The following SOX6 variants were observed in gnomAD, a reference collection of about 807,000 sequenced individuals.
The protein encoded by SOX6 is SRY-box transcription factor 6.
A neutral mutation model predicts 97.8 loss-of-function variants in SOX6; 11 were observed. The ratio of observed to expected loss-of-function variants is 0.11; its 90% CI spans 0.07 to 0.19. SOX6 has a LOEUF of 0.19. Ranked by LOEUF, SOX6 falls within the 10% of genes least tolerant of loss-of-function variation. The probability of loss-of-function intolerance (pLI) is 1.00; values close to 1 mark genes in which losing one functional copy is unlikely to be tolerated. For missense variants in SOX6, 810 were observed against 1,039.5 expected, an observed-to-expected ratio of 0.78 and a Z score of 3.04; for synonymous variants, 360 against 371.4, an observed-to-expected ratio of 0.97 and a Z score of 0.35.
At position 16,523,700 on chromosome 11, in the gene SOX6, T is replaced by A. The variant is rs1861108322; in HGVS notation, n.610-47312A>T. 2.6e-5 allele frequency among the ~76,000 whole-genome samples: 4 copies of A among 152,076 alleles called. No individual in the cohort carries two copies. The South Asian group carries it at 6.2e-4, about 24-fold the overall frequency. ...AAAATTAATGAATCCAGGAGCTGGT[T>A]TTTTGAAAGGATCAACAAAATTGAT... On this transcript the variant is annotated intron_variant and non_coding_transcript_variant, in intron 4 of 5. Transcript: ENST00000524520.
chr11:16,409,816 T>A (rs1414524885), intron 1 of SOX6, among the ~76,000 whole-genome samples: 1 of 81,798 alleles, frequency 1.2e-5, no homozygotes, highest in Non-Finnish European at 2.4e-5. Flanking sequence ...AGAAACAATG[T>A]CTTTCCTCGG....
At chr11:16,516,528 C>T (rs1321529664) in intron 4 of SOX6, among the ~76,000 whole-genome samples, 1 of 151,978 alleles carries the variant, frequency 6.6e-6, no homozygotes, top group Non-Finnish European at 1.5e-5. Context: ...TACAAACTAC[C>T]ATCAGAGAAT....
At chr11:16,171,572 T>A (rs1014196329) in intron 6 of SOX6, among the ~76,000 whole-genome samples, 2 of 151,862 alleles carry the variant, frequency 1.3e-5, no homozygotes, top group African/African-American at 4.8e-5. Context: ...ACAAATCACA[T>A]CCTGCAGGCC....
intron 6 of SOX6, among the ~76,000 whole-genome samples, chr11:16,157,556 T>C (rs899207344): frequency 6.6e-6 from 1 of 152,010 alleles, no homozygotes; most frequent in Admixed American, 6.6e-5. Flanking sequence ...CAAGATCACA[T>C]ACCAAATAGA....
At chr11:16,658,195 T>C (rs1847738321) in intron 3 of SOX6, among the ~76,000 whole-genome samples, 1 of 152,172 alleles carries the variant, frequency 6.6e-6, no homozygotes, top group Middle Eastern at 3.2e-3. Flanking sequence ...GGCAATCTAG[T>C]GGGTATAAAG....
chr11:16,049,826 G>A lies in SOX6; in HGVS notation c.1364C>T (p.Pro455Leu). The change falls in exon 11 of 16, where the codon CCT becomes CTT. Residue 455 changes from proline (P) to leucine (L), a missense_variant. Physicochemically the swap from Pro to Leu is moderately conservative, Grantham distance 98. Around this residue, in one of 9 missense-constraint regions of SOX6, gnomAD observed 244 missense variants for 261.0 expected, o/e 0.93. Coordinates refer to ENST00000683767, the MANE Select transcript of SOX6 (RefSeq NM_001367873.1). ...QNLFPASKTS[P>L]VNLPNKSSIP... ...GCTGCTTTTGTTTGGCAGATTGACA[G>A]GGCTGGTTTTGCTGGCTGGGAAGAG... is the stretch of plus-strand genomic sequence containing the variant. The A allele has an allele frequency of 6.2e-7, 1 of 1,613,714 alleles. No individual in the cohort carries two copies.
intron 6 of SOX6, among the ~76,000 whole-genome samples, chr11:16,115,046 T>C (rs1391574144): frequency 2.6e-5 from 4 of 152,188 alleles, no homozygotes; most frequent in Admixed American, 2.6e-4. Flanking sequence ...TTCATTTCTG[T>C]TCATCACACT....
At chr11:16,015,165 C>A (rs2133863278) in intron 12 of SOX6, 115 bp from the exon 13 acceptor site, 1 of 859,458 alleles carries the variant, frequency 1.2e-6, no homozygotes, top group Non-Finnish European at 1.9e-6. Flanking sequence ...CATTTCTGAC[C>A]AATGTGGACT....
chr11:16,012,398 C>T (rs888331899), intron 13 of SOX6, among the ~76,000 whole-genome samples: 3 of 151,952 alleles, frequency 2.0e-5, no homozygotes, highest in African/African-American at 4.8e-5. Flanking sequence ...GAACAGGTAA[C>T]TTGACTCCAT....
intron 3 of SOX6, among the ~76,000 whole-genome samples, chr11:16,238,229 T>A (rs1387809419): frequency 6.6e-6 from 1 of 152,056 alleles, no homozygotes; most frequent in Non-Finnish European, 1.5e-5. Flanking sequence ...TTTGATGTAT[T>A]ATAAATTATC....
chr11:16,606,734 C>T (rs761478586), intron 4 of SOX6, among the ~76,000 whole-genome samples: 22 of 152,186 alleles, frequency 1.4e-4, no homozygotes, highest in Non-Finnish European at 3.1e-4. Context: ...TCAAAGGTTG[C>T]GTTGTGTCCC....
At chr11:16,581,788 C>T (rs1266104724) in intron 4 of SOX6, among the ~76,000 whole-genome samples, 1 of 151,582 alleles carries the variant, frequency 6.6e-6, no homozygotes, top group Admixed American at 6.6e-5. Flanking sequence ...ATGATGAAAC[C>T]CCATCTCTAC....
At chr11:16,121,573 C>T (rs1170740366) in intron 6 of SOX6, among the ~76,000 whole-genome samples, 1 of 151,884 alleles carries the variant, frequency 6.6e-6, no homozygotes, top group East Asian at 1.9e-4. Flanking sequence ...TTTCAGCTTA[C>T]TTTGGAATAA....
At chr11:16,462,798 T>C (rs1438724895) in intron 1 of SOX6, among the ~76,000 whole-genome samples, 2 of 152,328 alleles carry the variant, frequency 1.3e-5, no homozygotes, top group Middle Eastern at 3.4e-3. Flanking sequence ...ACAATCACTC[T>C]GTCCATTACT....
At chr11:16,349,141 C>A (rs1465698321) in intron 1 of SOX6, among the ~76,000 whole-genome samples, 1 of 152,030 alleles carries the variant, frequency 6.6e-6, no homozygotes, top group African/African-American at 2.4e-5. Context: ...AGATAATGCT[C>A]CAAACAAACT....
At chr11:16,349,141 CCAAA>C (rs1286940382) in intron 1 of SOX6, among the ~76,000 whole-genome samples, 1 of 152,030 alleles carries the variant, frequency 6.6e-6, no homozygotes, top group Non-Finnish European at 1.5e-5. Context: ...AGATAATGCT[CCAAA>C]CAAACTGCAT....
At chr11:16,701,774 G>A (rs1848096066) in intron 3 of SOX6, among the ~76,000 whole-genome samples, 4 of 142,522 alleles carry the variant, frequency 2.8e-5, no homozygotes, top group Admixed American at 2.1e-4. Flanking sequence ...GGAGGGGTTC[G>A]GGGGGGTGGG....
At chr11:16,168,510 A>C (rs1031550229) in intron 6 of SOX6, among the ~76,000 whole-genome samples, 7 of 152,142 alleles carry the variant, frequency 4.6e-5, no homozygotes, top group African/African-American at 1.7e-4. Context: ...TATAGCTTAG[A>C]CATTAGTTTA....
At chr11:16,500,616 G>A (rs1457005452) in intron 4 of SOX6, among the ~76,000 whole-genome samples, 1 of 152,134 alleles carries the variant, frequency 6.6e-6, no homozygotes, top group African/African-American at 2.4e-5. Flanking sequence ...CAAAGTCTCA[G>A]GATACAAAAT....
Sources: gnomAD v4.1 joint callset for allele counts (sites outside exome capture counted in the v4.1 genomes callset) on GRCh38, gnomAD v4.1.1 for gene constraint, gnomAD v4.1.1 regional missense constraint, MANE v1.5 for transcripts, NCBI Gene and HGNC (gene_info 2026-07-23, HGNC 2026-07-21) for gene names.